Variants in ZNF618 observed in about 807,000 individuals in gnomAD.
ZNF618 encodes zinc finger protein 618.
In ZNF618, 34 loss-of-function variants were observed where a neutral mutation model predicts 103.0. The ratio of observed to expected loss-of-function variants is 0.33; its 90% CI spans 0.25 to 0.44. The LOEUF (loss-of-function observed/expected upper bound fraction) is 0.44. Among genes scored for constraint, ZNF618 ranks in the 20% least tolerant of loss-of-function variants. The pLI is 1.00. For missense variants in ZNF618, 1,059 were observed against 1,295.4 expected, an observed-to-expected ratio of 0.82 and a Z score of 2.80; for synonymous variants, 551 against 542.2, an observed-to-expected ratio of 1.02 and a Z score of -0.23.
chr9:113,950,707 T>C (rs529356448), intron 1 of ZNF618, among the ~76,000 whole-genome samples: 1 of 152,208 alleles, frequency 6.6e-6, no homozygotes, highest in East Asian at 1.9e-4. Context: ...CATTGAATGG[T>C]GGGACCGCTG....
At chr9:113,884,741 C>T (rs796843658) in intron 1 of ZNF618, among the ~76,000 whole-genome samples, 15 of 150,788 alleles carry the variant, frequency 9.9e-5, no homozygotes, top group African/African-American at 3.7e-4. Flanking sequence ...GACATGAAGC[C>T]AGTTTTTCCT....
chr9:114,016,763 G>A lies in ZNF618; in HGVS notation c.823G>A (p.Val275Met). 1 of 1,613,572 alleles carries A rather than the reference G, an allele frequency of 6.2e-7. No individual in the cohort carries two copies. Among genetic ancestry groups the A allele is most frequent in the Non-Finnish European group, 8.5e-7 (1 of 1,179,714 alleles). The change falls in exon 10 of 15, where the codon GTG becomes ATG. Residue 275 changes from valine to methionine, a missense_variant. Physicochemically the swap from Val to Met is conservative, Grantham distance 21 (BLOSUM62 1). Around this residue, in one of 6 missense-constraint regions of ZNF618, gnomAD observed 434 missense variants for 476.0 expected, o/e 0.91. Coordinates refer to ENST00000374126, the MANE Select transcript of ZNF618 (RefSeq NM_001318042.2). ...YKYYTPYQEHVALHAPISTAP... is the reference protein window; with the variant it reads ...YKYYTPYQEHMALHAPISTAP... ...GTACTACACTCCCTACCAGGAGCATGTGGCCTTACACGCCCCCATCAGTGA... is the reference window on the plus strand; with the variant it reads ...GTACTACACTCCCTACCAGGAGCATATGGCCTTACACGCCCCCATCAGTGA...
rs574356845 is a variant in ZNF618, at chr9:114,003,631, T to G, written c.550+969T>G. On this transcript the variant is annotated intron_variant, in intron 6 of 14. Transcript: ENST00000374126. ...AGAGTTCAGCCTCTAAGATTCTGCA[T>G]AGAGAAAGGGCAAAAGCAGCTAAAA... is the stretch of plus-strand genomic sequence containing the variant. 5.3e-5 allele frequency among the ~76,000 whole-genome samples: 8 copies of G among 152,260 alleles called. No individual in the cohort carries two copies. The South Asian group carries it at 1.7e-3, about 32-fold the overall frequency.
chr9:114,034,668 C>T (rs1185303252), intron 12 of ZNF618, among the ~76,000 whole-genome samples: 1 of 152,204 alleles, frequency 6.6e-6, no homozygotes, highest in Non-Finnish European at 1.5e-5. Context: ...CCATCTAGAC[C>T]ATCTGGCCCC....
At chr9:114,017,601 G>A (rs1842755281) in intron 10 of ZNF618, among the ~76,000 whole-genome samples, 1 of 152,244 alleles carries the variant, frequency 6.6e-6, no homozygotes, top group African/African-American at 2.4e-5. Context: ...GGCTTGTGCA[G>A]TCTCAGGGCA....
chr9:113,892,911 G>T (rs1445415206), intron 1 of ZNF618, among the ~76,000 whole-genome samples: 3 of 152,124 alleles, frequency 2.0e-5, no homozygotes, highest in Admixed American at 1.3e-4. Flanking sequence ...ATGTACTTAG[G>T]ACTGTTTCTG....
intron 1 of ZNF618, among the ~76,000 whole-genome samples, chr9:113,949,232 A>C (rs1355994790): frequency 2.6e-5 from 4 of 152,224 alleles, no homozygotes; most frequent in African/African-American, 9.7e-5. Context: ...AAATTGCTGC[A>C]TGCATTTGAA....
At chr9:113,923,235 GA>G (rs1832800939) in intron 1 of ZNF618, among the ~76,000 whole-genome samples, 1 of 152,080 alleles carries the variant, frequency 6.6e-6, no homozygotes, top group Non-Finnish European at 1.5e-5. Context: ...TGTGAATAAA[GA>G]AATTTTTTTT....
chr9:113,978,106 G>C (rs1033163353), intron 2 of ZNF618, among the ~76,000 whole-genome samples: 1 of 152,086 alleles, frequency 6.6e-6, no homozygotes, highest in Non-Finnish European at 1.5e-5. Context: ...TTTTCTACTT[G>C]ACTATTTATT....
At chr9:113,981,112 G>A (rs1475464503) in intron 2 of ZNF618, among the ~76,000 whole-genome samples, 1 of 152,204 alleles carries the variant, frequency 6.6e-6, no homozygotes, top group Non-Finnish European at 1.5e-5. Context: ...TTCATGGAGA[G>A]TGTATTTAAG....
chr9:114,016,735 C>T lies in ZNF618; in HGVS notation c.795C>T (p.Tyr265=). Residue 265 remains tyrosine (Y), a synonymous_variant, in exon 10 of 15, where the codon TAC becomes TAT. Coordinates refer to ENST00000374126, the MANE Select transcript of ZNF618 (RefSeq NM_001318042.2). ...CCTGTGAATTCTGCGGCAAACAGTACAAGTACTACACTCCCTACCAGGAGC... is the reference window on the plus strand; with the variant it reads ...CCTGTGAATTCTGCGGCAAACAGTATAAGTACTACACTCCCTACCAGGAGC... ...NYTCEFCGKQ[Y]KYYTPYQEHV... 2 of 1,613,786 alleles carry T rather than the reference C, an allele frequency of 1.2e-6. No homozygotes were observed. Among genetic ancestry groups the T allele is most frequent in the Non-Finnish European group, 8.5e-7 (1 of 1,179,820 alleles).
intron 1 of ZNF618, among the ~76,000 whole-genome samples, chr9:113,959,069 C>G (rs1429492559): frequency 1.3e-5 from 2 of 152,154 alleles, no homozygotes; most frequent in African/African-American, 4.8e-5. Context: ...GCAGGCCGAT[C>G]ACCTGAGATC....
At position 114,049,152 on chromosome 9, in the gene ZNF618, C is replaced by T. The variant is rs187156359; in HGVS notation, c.1850C>T (p.Thr617Met). 2.1e-5 allele frequency: 34 copies of T among 1,613,846 alleles called. No individual in the cohort carries two copies. The highest frequency in any genetic ancestry group is 1.5e-4 in the Admixed American group (9 of 60,024). ...TCGGAGATCAGGACAGTGTACGTGA[C>T]GGATTGCCGGGTGAGCACGTCCGCC... ...VMSEIRTVYV[T>M]DCRVSTSAFS... Residue 617 changes from threonine (T) to methionine (M), a missense_variant, in exon 15 of 15, where the codon ACG becomes ATG. Thr to Met is a moderately conservative substitution (Grantham distance 81). This residue lies in a region of ZNF618 where 272 missense variants were observed against 380.1 expected (regional missense o/e 0.72). Coordinates refer to ENST00000374126, the MANE Select transcript of ZNF618 (RefSeq NM_001318042.2).
At chr9:113,941,867 A>G (rs998444635) in intron 1 of ZNF618, among the ~76,000 whole-genome samples, 1 of 152,156 alleles carries the variant, frequency 6.6e-6, no homozygotes, top group Non-Finnish European at 1.5e-5. Flanking sequence ...CTGAGTGAAT[A>G]TTGGGTCTTC....
At chr9:113,993,020 A>G (rs1840222192) in intron 3 of ZNF618, among the ~76,000 whole-genome samples, 1 of 152,220 alleles carries the variant, frequency 6.6e-6, no homozygotes, top group Non-Finnish European at 1.5e-5. Flanking sequence ...TAAGAAGAGC[A>G]GAGATGATAG....
chr9:114,000,612 G>A (rs1297486091), intron 4 of ZNF618, among the ~76,000 whole-genome samples: 2 of 152,120 alleles, frequency 1.3e-5, no homozygotes, highest in Non-Finnish European at 2.9e-5. Context: ...TAGCAGAGCT[G>A]AACTAGGCTT....
chr9:113,955,473 G>A lies in ZNF618; in HGVS notation c.34-13644G>A, dbSNP rs193298339. Among the ~76,000 whole-genome samples the A allele has an allele frequency of 1.5e-3, 223 of 152,146 alleles. 1 individual carries two copies. Among genetic ancestry groups the A allele is most frequent in the African/African-American group, 5.0e-3 (208 of 41,504 alleles). On this transcript the variant is annotated intron_variant, in intron 1 of 14. Transcript: ENST00000374126. ...GAGTGATTCCTTCCTTTCCAGCTGT[G>A]AGAGGAACTATTTTGCGTATACTAT... is the stretch of plus-strand genomic sequence containing the variant.
intron 12 of ZNF618, among the ~76,000 whole-genome samples, chr9:114,035,766 G>T (rs954513532): frequency 6.6e-6 from 1 of 151,418 alleles, no homozygotes; most frequent in African/African-American, 2.4e-5. Context: ...CTCCCTTTCC[G>T]CATCAGATCC....
chr9:113,905,554 T>C (rs1321100908), intron 1 of ZNF618, among the ~76,000 whole-genome samples: 1 of 152,224 alleles, frequency 6.6e-6, no homozygotes, highest in Non-Finnish European at 1.5e-5. Flanking sequence ...TGTGACCCTT[T>C]ATAGAAAAGC....
Sources: allele counts gnomAD v4.1 joint callset (sites outside exome capture counted in the v4.1 genomes callset), GRCh38; gene constraint gnomAD v4.1.1; regional missense constraint gnomAD v4.1.1; transcripts MANE v1.5; gene names NCBI Gene and HGNC (gene_info 2026-07-23, HGNC 2026-07-21).